Variants in MTCL1 observed in about 807,000 individuals in gnomAD.
MTCL1 encodes microtubule crosslinking factor 1, also known as microtubule cross-linking factor 1.
Under a neutral mutation model 141.4 loss-of-function variants are expected in MTCL1, and 79 were observed. The ratio of observed to expected loss-of-function variants is 0.56; its 90% CI spans 0.47 to 0.67. The LOEUF is 0.67. Ranked by LOEUF, MTCL1 falls within the 30% of genes least tolerant of loss-of-function variation. MTCL1 has a pLI of 0.00. For missense variants in MTCL1, 2,177 were observed against 2,113.9 expected (o/e 1.03, Z -0.59); for synonymous variants, 914 against 875.8 (o/e 1.04, Z -0.77).
intron 4 of MTCL1, among the ~76,000 whole-genome samples, chr18:8,753,974 T>C (rs2096384686): frequency 6.6e-6 from 1 of 152,220 alleles, no homozygotes; most frequent in Admixed American, 6.5e-5. Flanking sequence ...AAATTTAAAA[T>C]ATGTATTAAT....
intron 4 of MTCL1, among the ~76,000 whole-genome samples, chr18:8,763,796 A>G (rs608916): frequency 0.39 from 59,781 of 152,076 alleles, 12,089 homozygotes; most frequent in East Asian, 0.6. Context: ...TATAAATTGT[A>G]TGTGAAATCA....
chr18:8,762,619 C>T (rs958613435), intron 4 of MTCL1, among the ~76,000 whole-genome samples: 4 of 152,256 alleles, frequency 2.6e-5, no homozygotes, highest in African/African-American at 7.2e-5. Flanking sequence ...TTGATGATGA[C>T]TTCGTGGCTT....
In MTCL1 at chr18:8,775,934, T is replaced by G. The variant is rs370950650; in HGVS notation, c.358-1899T>G. On this transcript the variant is annotated intron_variant, in intron 4 of 16. Coordinates refer to ENST00000359865, the Ensembl canonical transcript of MTCL1. ...GCTCAGGGGCAGCTAGAATTTTAAC[T>G]GTTTCTTAACCTAGGATTCTTCCCA... is the stretch of plus-strand genomic sequence containing the variant. 1.2e-4 allele frequency among the ~76,000 whole-genome samples: 19 copies of G among 152,332 alleles called. 1 individual carries two copies. The East Asian group carries it at 2.3e-3, about 19-fold the overall frequency.
chr18:8,745,392 TG>T (rs2096330979), intron 4 of MTCL1, among the ~76,000 whole-genome samples: 1 of 152,234 alleles, frequency 6.6e-6, no homozygotes, highest in Non-Finnish European at 1.5e-5. Context: ...GGAGTCGCAC[TG>T]TAGCCATCCG....
At chr18:8,757,705 A>G (rs117861874) in intron 4 of MTCL1, among the ~76,000 whole-genome samples, 2,620 of 151,624 alleles carry the variant, frequency 0.017, 45 homozygotes, top group South Asian at 0.064. Context: ...CATTTTTGAG[A>G]TTTTTTTTTC....
At chr18:8,723,713 A>G (rs1308077767) in intron 4 of MTCL1, among the ~76,000 whole-genome samples, 4 of 151,998 alleles carry the variant, frequency 2.6e-5, no homozygotes, top group Non-Finnish European at 5.9e-5. Flanking sequence ...TATTTGTGAA[A>G]CGGTCTCTGA....
chr18:8,788,700 C>T (rs1457644146), intron 7 of MTCL1, among the ~76,000 whole-genome samples: 2 of 152,168 alleles, frequency 1.3e-5, no homozygotes, highest in East Asian at 1.9e-4. Context: ...GCTCAGACAC[C>T]ACCATTCACT....
chr18:8,824,357 G>A (rs565919786), intron 14 of MTCL1, among the ~76,000 whole-genome samples: 120 of 152,350 alleles, frequency 7.9e-4, no homozygotes, highest in African/African-American at 2.7e-3. Context: ...GCTGTGGTCC[G>A]AGTGAGTCTC....
chr18:8,796,540 C>A, intron 9 of MTCL1, 78 bp downstream of exon 8: 1 of 1,346,614 alleles, frequency 7.4e-7, no homozygotes, highest in Non-Finnish European at 1.0e-6. Context: ...CTCACCCACC[C>A]TACACACAGT....
chr18:8,776,561 A>T lies in MTCL1; in HGVS notation c.358-1272A>T, dbSNP rs541352384. Among the ~76,000 whole-genome samples the T allele has an allele frequency of 7.9e-5, 12 of 152,222 alleles. No individual in the cohort carries two copies. The East Asian group carries it at 2.3e-3, about 29-fold the overall frequency. On this transcript the variant is annotated intron_variant, in intron 4 of 16. Coordinates refer to ENST00000359865, the Ensembl canonical transcript of MTCL1. ...AGCCAAGGCCTTCATTTCACATGGG[A>T]ATAAGTTATGAGCTTTGTAAGATCT...
chr18:8,737,605 G>A (rs1291602023), intron 4 of MTCL1, among the ~76,000 whole-genome samples: 4 of 152,250 alleles, frequency 2.6e-5, no homozygotes, highest in African/African-American at 9.6e-5. Flanking sequence ...AGGGCAGCCA[G>A]GCATCTGGGA....
At chr18:8,729,551 C>T (rs933832342) in intron 4 of MTCL1, among the ~76,000 whole-genome samples, 14 of 151,584 alleles carry the variant, frequency 9.2e-5, no homozygotes, top group African/African-American at 2.4e-4. Flanking sequence ...TAGAGTTATA[C>T]GCCACCGCAC....
At chr18:8,819,910 C>T (rs1320574695) in intron 13 of MTCL1, among the ~76,000 whole-genome samples, 1 of 152,142 alleles carries the variant, frequency 6.6e-6, no homozygotes, top group Non-Finnish European at 1.5e-5. Flanking sequence ...CACACCCAGC[C>T]TCAACTTTTC....
chr18:8,786,113 C>CA, intron 7 of MTCL1, 22 bp downstream of exon 6: 50 of 1,383,484 alleles, frequency 3.6e-5, no homozygotes, highest in South Asian at 1.9e-4. Context: ...CAAGCAATCC[C>CA]CCCCCCCCGC....
At chr18:8,716,093 C>T (rs1400591174), upstream of MTCL1, among the ~76,000 whole-genome samples, 1 of 152,230 alleles carries the variant, frequency 6.6e-6, no homozygotes, top group East Asian at 1.9e-4. Context: ...GAGTTCACAA[C>T]ATTTTCAGTG....
At chr18:8,773,600 GCTT>G (rs1244252354) in intron 4 of MTCL1, among the ~76,000 whole-genome samples, 1 of 151,872 alleles carries the variant, frequency 6.6e-6, no homozygotes, top group Admixed American at 6.6e-5. Flanking sequence ...GGATGTTTCT[GCTT>G]TTGTTTCTGT....
chr18:8,782,561 A>G (rs566068684), intron 5 of MTCL1: 18 of 152,386 alleles, frequency 1.2e-4, no homozygotes, highest in Non-Finnish European at 2.2e-4. Flanking sequence ...TGTGAACAGC[A>G]GAGTCAGCTT....
At chr18:8,816,708 A>G (rs1568092453) in intron 12 of MTCL1, among the ~76,000 whole-genome samples, 1 of 86,422 alleles carries the variant, frequency 1.2e-5, no homozygotes, top group Non-Finnish European at 2.7e-5. Context: ...CCATTCTTTT[A>G]AAACCTGTTA....
intron 4 of MTCL1, among the ~76,000 whole-genome samples, chr18:8,734,515 T>C (rs1266765260): frequency 6.6e-6 from 1 of 152,070 alleles, no homozygotes; most frequent in East Asian, 1.9e-4. Flanking sequence ...AGCTGATTGA[T>C]GAGATGGGTA....
Sources: allele counts gnomAD v4.1 joint callset (sites outside exome capture counted in the v4.1 genomes callset), GRCh38; gene constraint gnomAD v4.1.1; transcripts MANE v1.5; gene names NCBI Gene and HGNC (gene_info 2026-07-23, HGNC 2026-07-21).